The following MRC1 variants were observed in gnomAD, a reference collection of about 807,000 sequenced individuals.
MRC1 encodes mannose receptor C-type 1, also known as macrophage mannose receptor 1.
In MRC1, 62 loss-of-function variants were observed where a neutral mutation model predicts 102.9. The observed-to-expected ratio is 0.60, with a 90% CI of 0.49 to 0.74. MRC1 has a LOEUF of 0.74. MRC1 is among the 30% of genes least tolerant of loss of function. The pLI is 0.00. For synonymous variants in MRC1, 457 were observed against 298.4 expected, an observed-to-expected ratio of 1.53 and a Z score of -5.48; for missense variants, 1,237 against 862.8, an observed-to-expected ratio of 1.43 and a Z score of -5.43.
At chr10:17,896,995 A>G (rs1385245408) in intron 23 of MRC1, among the ~76,000 whole-genome samples, 1 of 152,154 alleles carries the variant, frequency 6.6e-6, no homozygotes, top group African/African-American at 2.4e-5. Context: ...CAAATAGTCA[A>G]CTCTGCTGTG....
intron 22 of MRC1, among the ~76,000 whole-genome samples, chr10:17,887,537 C>T (rs1833616407): frequency 6.6e-6 from 1 of 152,316 alleles, no homozygotes; most frequent in Non-Finnish European, 1.5e-5. Flanking sequence ...AGCGAGATAG[C>T]ATTAGCTTAG....
intron 26 of MRC1, among the ~76,000 whole-genome samples, chr10:17,906,384 C>A (rs971855996): frequency 2.0e-5 from 3 of 150,550 alleles, no homozygotes; most frequent in Non-Finnish European, 4.4e-5. Context: ...AAGTTCTATG[C>A]TTCCCTTCCT....
chr10:17,858,810 C>T (rs1051799031), intron 9 of MRC1, among the ~76,000 whole-genome samples: 11 of 152,270 alleles, frequency 7.2e-5, no homozygotes, highest in African/African-American at 1.2e-4. Flanking sequence ...CATGAGCCAT[C>T]GTGCCAGGCC....
At position 17,823,126 on chromosome 10, in the gene MRC1, A is replaced by G. The variant is rs782141082; in HGVS notation, c.114A>G (p.Ala38=). 3 of 780,912 alleles carry G rather than the reference A, an allele frequency of 3.8e-6. No homozygotes were observed. Among genetic ancestry groups the G allele is most frequent in the African/African-American group, 1.7e-5 (1 of 59,272 alleles). The allele number at this position is 780,912 out of a possible 1,614,324, so 48.4% of individuals were successfully genotyped here. Reference sequence around the variant, plus strand: ...AAGATCACAAGCGCTGCGTGGATGCAGTGAGTCCCAGTGCCGTCCAAACCG... The same window carrying G: ...AAGATCACAAGCGCTGCGTGGATGCGGTGAGTCCCAGTGCCGTCCAAACCG... ...YNEDHKRCVD[A]VSPSAVQTAA... The change falls in exon 2 of 30, where the codon GCA becomes GCG. Residue 38 remains alanine (A), a synonymous_variant. Transcript: ENST00000569591.
Position 17,874,839 on chromosome 10 carries a change from C to G in MRC1, c.2387-251C>G, listed in dbSNP as rs925001758. Among the ~76,000 whole-genome samples the G allele has an allele frequency of 2.7e-4, 41 of 152,086 alleles. 1 individual carries two copies. In the South Asian group the frequency reaches 7.9e-3, roughly 29 times the overall value. Reference sequence around the variant, plus strand: ...AAAGTGACACCCGGAGTTCTTTTACCCAGTAATGACATATGGAACATAGCT... The same window carrying G: ...AAAGTGACACCCGGAGTTCTTTTACGCAGTAATGACATATGGAACATAGCT... On this transcript the variant is annotated intron_variant, in intron 16 of 29. Coordinates refer to ENST00000569591, the MANE Select transcript of MRC1 (RefSeq NM_002438.4).
intron 1 of MRC1, 81 bp downstream of exon 1, chr10:17,809,607 T>C: frequency 4.7e-6 from 4 of 842,420 alleles, no homozygotes; most frequent in Non-Finnish European, 8.4e-6. Flanking sequence ...TGTGAATGGG[T>C]TCCTTTCAAC....
intron 1 of MRC1, among the ~76,000 whole-genome samples, chr10:17,819,739 T>G (rs1443065032): frequency 6.6e-6 from 1 of 151,942 alleles, no homozygotes; most frequent in Non-Finnish European, 1.5e-5. Flanking sequence ...GCCTAGGAGT[T>G]CAAGACCAAC....
chr10:17,892,871 G>A (rs1401925734), intron 22 of MRC1, among the ~76,000 whole-genome samples: 3 of 151,958 alleles, frequency 2.0e-5, no homozygotes, highest in African/African-American at 7.3e-5. Context: ...TTAGCTGGGC[G>A]TGGTGGCACA....
At position 17,863,534 on chromosome 10, in the gene MRC1, A is replaced by G. The variant is rs1367224032; in HGVS notation, c.1635A>G (p.Arg545=). 1.4e-5 allele frequency: 11 copies of G among 780,730 alleles called. No homozygotes were observed. Among genetic ancestry groups the G allele is most frequent in the African/African-American group, 5.1e-5 (3 of 59,150 alleles). The allele number at this position is 780,730 out of a possible 1,614,324, so 48.4% of individuals were successfully genotyped here. ...ENAYLTTIED[R]YEQAFLTSFV... ...TGAATGTTAATTCTTCTTTTTAAAG[A>G]TATGAACAAGCCTTCCTGACTAGTT... Residue 545 remains arginine (R), a splice_region_variant and synonymous_variant, in exon 11 of 30, where the codon AGA becomes AGG. Transcript: ENST00000569591.
chr10:17,849,508 T>A (rs1340747584), intron 6 of MRC1, 71 bp from the exon 7 acceptor site: 1 of 740,442 alleles, frequency 1.4e-6, no homozygotes, highest in Non-Finnish European at 2.5e-6. Flanking sequence ...TTATATAAAA[T>A]GATTAAAATA....
At position 17,821,836 on chromosome 10, in the gene MRC1, C is replaced by T. The variant is rs370325640; in HGVS notation, c.62-1238C>T. Among the ~76,000 whole-genome samples, 6 of 152,230 alleles carry T rather than the reference C, an allele frequency of 3.9e-5. No homozygotes were observed. In the East Asian group the frequency reaches 7.7e-4, roughly 20 times the overall value. On this transcript the variant is annotated intron_variant, in intron 1 of 29. Transcript: ENST00000569591. Reference sequence around the variant, plus strand: ...ATTATTTAATTAAAAATAATGAGCTCATTTAGTCAGAACCTCAAACATCTG... The same window carrying T: ...ATTATTTAATTAAAAATAATGAGCTTATTTAGTCAGAACCTCAAACATCTG...
Position 17,827,766 on chromosome 10 carries a change from G to C in MRC1, c.637+51G>C, listed in dbSNP as rs1838503207. 9.0e-6 allele frequency: 7 copies of C among 778,432 alleles called. No homozygotes were observed. The South Asian group carries it at 9.4e-5, about 10-fold the overall frequency. 48.2% of individuals were successfully genotyped at this position (778,432 alleles called of 1,614,324 possible). A position where few individuals can be genotyped will look rare whatever the true frequency, so the allele number is the denominator to read the frequency against. On this transcript the variant is annotated intron_variant, in intron 3 of 29. Transcript: ENST00000569591. Reference sequence around the variant, plus strand: ...AGTTGGGCACATTTAGTCTGATAATGTAGTGAAAGACCTTGAATTTATCTA... The same window carrying C: ...AGTTGGGCACATTTAGTCTGATAATCTAGTGAAAGACCTTGAATTTATCTA...
At chr10:17,885,983 C>G (rs992125062) in intron 22 of MRC1, among the ~76,000 whole-genome samples, 1 of 152,134 alleles carries the variant, frequency 6.6e-6, no homozygotes, top group Non-Finnish European at 1.5e-5. Context: ...TTATCAACAT[C>G]AACACCATGT....
At chr10:17,866,229 A>C (rs1410143210) in intron 11 of MRC1, among the ~76,000 whole-genome samples, 1 of 151,322 alleles carries the variant, frequency 6.6e-6, no homozygotes, top group African/African-American at 2.4e-5. Flanking sequence ...AAGAATCTTA[A>C]AAAATTAAAA....
chr10:17,854,547 C>T (rs1392649292), intron 8 of MRC1, among the ~76,000 whole-genome samples: 2 of 152,030 alleles, frequency 1.3e-5, no homozygotes, highest in East Asian at 3.9e-4. Flanking sequence ...GTTCAAGAAA[C>T]ATGAGTTGTC....
rs1033950658 is a variant in MRC1, at chr10:17,832,044, C to A, written c.638-1631C>A. Among the ~76,000 whole-genome samples, 50 of 151,714 alleles carry A rather than the reference C, an allele frequency of 3.3e-4. 4 individuals are homozygous for A. Among genetic ancestry groups the A allele is most frequent in the African/African-American group, 9.8e-4 (40 of 40,970 alleles). On this transcript the variant is annotated intron_variant, in intron 3 of 29. Transcript: ENST00000569591. ...TTCTAGCAATGAGAAAACGAGACTT[C>A]AAAAGTTAATAATTTATCTGAAGTC...
Position 17,823,381 on chromosome 10 carries a change from A to G in MRC1, c.369A>G (p.Gln123=). ...EDLFFNYGNR[Q]EKNIMLYKGS... ...TATTTTTTAACTACGGCAACAGACA[A>G]GAAAAGAATATTATGCTCTACAAGG... is the stretch of plus-strand genomic sequence containing the variant. The change falls in exon 2 of 30, where the codon CAA becomes CAG. Residue 123 remains glutamine (Q), a synonymous_variant. Transcript: ENST00000569591. The G allele has an allele frequency of 1.3e-6, 1 of 780,896 alleles. No homozygotes were observed. Among genetic ancestry groups the G allele is most frequent in the Non-Finnish European group, 2.4e-6 (1 of 417,970 alleles). 48.4% of individuals were successfully genotyped at this position (780,896 alleles called of 1,614,324 possible).
Position 17,870,313 on chromosome 10 carries a change from G to A in MRC1, c.2051G>A (p.Gly684Asp). The change falls in exon 13 of 30, where the codon GGT (glycine) becomes GAT (aspartate). Residue 684 changes from glycine (G) to aspartate (D), a missense_variant. Physicochemically the swap from Gly to Asp is moderately conservative, Grantham distance 94. Coordinates refer to ENST00000569591, the MANE Select transcript of MRC1 (RefSeq NM_002438.4). ...TCTCGAGATTTTTGTCGAGCTCTGGGTGGAGACTTAGCTAGCATCAATAAC... is the reference window on the plus strand; with the variant it reads ...TCTCGAGATTTTTGTCGAGCTCTGGATGGAGACTTAGCTAGCATCAATAAC... ...FESRDFCRAL[G>D]GDLASINNKE... The A allele has an allele frequency of 1.3e-6, 1 of 780,546 alleles. No homozygotes were observed. The highest frequency in any genetic ancestry group is 2.4e-5 in the East Asian group (1 of 41,234). The allele number at this position is 780,546 out of a possible 1,614,324, so 48.4% of individuals were successfully genotyped here.
chr10:17,868,485 A>G (rs1474331563), intron 12 of MRC1, among the ~76,000 whole-genome samples: 4 of 152,182 alleles, frequency 2.6e-5, no homozygotes, highest in African/African-American at 9.7e-5. Flanking sequence ...TCCCTCCCTC[A>G]ATGTGGGGAT....
Sources: allele counts gnomAD v4.1 joint callset (sites outside exome capture counted in the v4.1 genomes callset), GRCh38; gene constraint gnomAD v4.1.1; transcripts MANE v1.5; gene names NCBI Gene and HGNC (gene_info 2026-07-23, HGNC 2026-07-21).